Variants in NALF1 observed in about 807,000 individuals in gnomAD.
NALF1 encodes the protein family with sequence similarity 155 member A.
A neutral mutation model predicts 48.4 loss-of-function variants in NALF1; 3 were observed. The ratio of observed to expected loss-of-function variants is 0.06; its 90% confidence interval spans 0.03 to 0.16. The LOEUF (loss-of-function observed/expected upper bound fraction) is 0.16. Among genes scored for constraint, NALF1 ranks in the 10% least tolerant of loss-of-function variants. NALF1 has a pLI of 1.00. For synonymous variants in NALF1, 262 were observed against 245.7 expected (o/e 1.07, Z -0.62); for missense variants, 526 against 571.5 (o/e 0.92, Z 0.81).
At chr13:107,721,109 TACACACACACAC>T (rs66578211) in intron 1 of NALF1, among the ~76,000 whole-genome samples, 5,152 of 143,926 alleles carry the variant, frequency 0.036, 331 homozygotes, top group East Asian at 0.3. Context: ...CAGATCTCAA[TACACACACACAC>T]ACACACACAC....
chr13:107,683,482 G>T (rs1309107410), intron 1 of NALF1, among the ~76,000 whole-genome samples: 1 of 152,150 alleles, frequency 6.6e-6, no homozygotes, highest in Non-Finnish European at 1.5e-5. Flanking sequence ...TCTGTGATTA[G>T]AATCTACATG....
intron 1 of NALF1, among the ~76,000 whole-genome samples, chr13:107,379,069 G>C (rs1022337049): frequency 3.3e-5 from 5 of 152,112 alleles, no homozygotes; most frequent in Admixed American, 2.6e-4. Flanking sequence ...ATTGTACCCT[G>C]AAGAAATAAT....
At chr13:107,717,408 C>A (rs1332692973) in intron 1 of NALF1, among the ~76,000 whole-genome samples, 2 of 152,132 alleles carry the variant, frequency 1.3e-5, no homozygotes, top group Non-Finnish European at 2.9e-5. Context: ...TGGAACCCAG[C>A]AAGCTCTGGT....
At chr13:107,225,473 C>T (rs1880082921) in intron 1 of NALF1, among the ~76,000 whole-genome samples, 1 of 152,108 alleles carries the variant, frequency 6.6e-6, no homozygotes, top group African/African-American at 2.4e-5. Flanking sequence ...GATAGGATCT[C>T]ACTGTGTTGC....
chr13:107,419,582 T>C (rs992192184), intron 1 of NALF1, among the ~76,000 whole-genome samples: 3 of 152,170 alleles, frequency 2.0e-5, no homozygotes, highest in Admixed American at 6.6e-5. Context: ...GAAGTCCCCA[T>C]TGGGAGATTG....
chr13:107,573,683 T>TG (rs36103094), intron 1 of NALF1, among the ~76,000 whole-genome samples: 27,257 of 151,934 alleles, frequency 0.18, 3,033 homozygotes, highest in Middle Eastern at 0.29. Flanking sequence ...CCACATGTCA[T>TG]GGGGGGGACC....
In NALF1 at chr13:107,440,541, T is replaced by A. The variant is rs146583985; in HGVS notation, c.916-229786A>T. On this transcript the variant is annotated intron_variant, in intron 1 of 2. Coordinates refer to ENST00000375915, the MANE Select transcript of NALF1 (RefSeq NM_001080396.3). ...GTCAGTCATAATGTTTGCGCTGAGTTTTGAGAGAAAGAGAAGAGGACACCG... is the reference window on the plus strand; with the variant it reads ...GTCAGTCATAATGTTTGCGCTGAGTATTGAGAGAAAGAGAAGAGGACACCG... 1.3e-3 allele frequency among the ~76,000 whole-genome samples: 196 copies of A among 152,188 alleles called. 2 individuals are homozygous for A. Among genetic ancestry groups the A allele is most frequent in the African/African-American group, 4.6e-3 (192 of 41,514 alleles).
intron 1 of NALF1, among the ~76,000 whole-genome samples, chr13:107,451,171 C>A (rs1177310497): frequency 6.6e-6 from 1 of 152,130 alleles, no homozygotes; most frequent in East Asian, 1.9e-4. Flanking sequence ...TGGTGAGAAT[C>A]TGCCAGCGCG....
At chr13:107,589,308 G>C (rs996607705) in intron 1 of NALF1, among the ~76,000 whole-genome samples, 10 of 151,990 alleles carry the variant, frequency 6.6e-5, no homozygotes, top group Non-Finnish European at 1.0e-4. Flanking sequence ...TCGGGGTCAC[G>C]AGTGAAGCCA....
chr13:107,353,796 C>T (rs1882915856), intron 1 of NALF1, among the ~76,000 whole-genome samples: 1 of 152,218 alleles, frequency 6.6e-6, no homozygotes, highest in African/African-American at 2.4e-5. Context: ...ACCAGCAACT[C>T]TGCTAGATTT....
intron 1 of NALF1, among the ~76,000 whole-genome samples, chr13:107,731,496 C>G (rs188606113): frequency 6.6e-6 from 1 of 152,012 alleles, no homozygotes; most frequent in African/African-American, 2.4e-5. Context: ...TATTTTGTCA[C>G]CCAGTATTAA....
At chr13:107,281,613 G>A (rs1253479054) in intron 1 of NALF1, among the ~76,000 whole-genome samples, 3 of 152,154 alleles carry the variant, frequency 2.0e-5, no homozygotes, top group African/African-American at 7.2e-5. Context: ...TATGAAGGCG[G>A]TGCATCCATT....
rs1165375364 is a variant in NALF1, at chr13:107,575,143, G to A, written c.915+290539C>T. On this transcript the variant is annotated intron_variant, in intron 1 of 2. Transcript: ENST00000375915. ...TTTTCCACTAACACTGGAAAATTAG[G>A]ATGATAACACAGACTTAGATAAATG... Among the ~76,000 whole-genome samples the A allele has an allele frequency of 3.9e-5, 6 of 151,904 alleles. No individual in the cohort carries two copies. In the East Asian group the frequency reaches 1.2e-3, roughly 29 times the overall value.
intron 1 of NALF1, among the ~76,000 whole-genome samples, chr13:107,328,874 T>C (rs1365855398): frequency 6.6e-6 from 1 of 152,142 alleles, no homozygotes; most frequent in African/African-American, 2.4e-5. Context: ...ACAACTCCAA[T>C]GCAAACCAGA....
At chr13:107,571,443 T>G (rs1160313623) in intron 1 of NALF1, among the ~76,000 whole-genome samples, 2 of 152,068 alleles carry the variant, frequency 1.3e-5, no homozygotes, top group Non-Finnish European at 2.9e-5. Flanking sequence ...ATAATGGGGT[T>G]TGGAGAGTTT....
At chr13:107,282,308 G>C (rs1364730336) in intron 1 of NALF1, among the ~76,000 whole-genome samples, 2 of 152,208 alleles carry the variant, frequency 1.3e-5, no homozygotes, top group African/African-American at 4.8e-5. Context: ...TGCTATGAAT[G>C]TTATCCAGAG....
intron 1 of NALF1, among the ~76,000 whole-genome samples, chr13:107,656,331 T>TC (rs1423225091): frequency 2.0e-5 from 3 of 151,672 alleles, no homozygotes; most frequent in African/African-American, 7.3e-5. Flanking sequence ...AACAATCCCA[T>TC]CAAAAAGTGA....
chr13:107,659,106 G>GACACACAC (rs1408509437), intron 1 of NALF1, among the ~76,000 whole-genome samples: 5 of 98,492 alleles, frequency 5.1e-5, no homozygotes, highest in South Asian at 3.8e-4. Context: ...CTGACACACT[G>GACACACAC]ACACACAGAC....
intron 1 of NALF1, among the ~76,000 whole-genome samples, chr13:107,263,249 G>C (rs1267853220): frequency 9.4e-5 from 13 of 138,354 alleles, no homozygotes; most frequent in East Asian, 4.3e-4. Flanking sequence ...AATGCTAACA[G>C]ACACACACAC....
Sources: allele counts gnomAD v4.1 joint callset (sites outside exome capture counted in the v4.1 genomes callset), GRCh38; gene constraint gnomAD v4.1.1; transcripts MANE v1.5; gene names NCBI Gene and HGNC (gene_info 2026-07-23, HGNC 2026-07-21).